Variants in PHACTR3 observed in about 807,000 individuals in gnomAD.
PHACTR3 encodes protein phosphatase 1, regulatory subunit 123.
Under a neutral mutation model 66.8 loss-of-function variants are expected in PHACTR3, and 16 were observed. The ratio of observed to expected loss-of-function variants is 0.24; its 90% CI spans 0.16 to 0.36. The LOEUF (loss-of-function observed/expected upper bound fraction) is 0.36, where lower values mean the gene tolerates loss of function less well. PHACTR3 is among the 10% of genes least tolerant of loss of function. The pLI is 1.00. For synonymous variants in PHACTR3, 323 were observed against 292.1 expected (o/e 1.11, Z -1.08); for missense variants, 647 against 719.9 (o/e 0.90, Z 1.16).
At chr20:59,661,564 G>A (rs1388224839) in intron 1 of PHACTR3, among the ~76,000 whole-genome samples, 2 of 152,124 alleles carry the variant, frequency 1.3e-5, no homozygotes, top group Non-Finnish European at 2.9e-5. Flanking sequence ...CCCCTTTTTA[G>A]GACTTGGTTC....
intron 1 of PHACTR3, among the ~76,000 whole-genome samples, chr20:59,669,107 A>C (rs1024105147): frequency 1.3e-5 from 2 of 152,054 alleles, no homozygotes; most frequent in Admixed American, 6.6e-5. Flanking sequence ...TGCCATTTGC[A>C]TGCTGTGTGA....
intron 1 of PHACTR3, among the ~76,000 whole-genome samples, chr20:59,621,150 A>G (rs866544766): frequency 1.3e-5 from 2 of 152,200 alleles, no homozygotes; most frequent in African/African-American, 4.8e-5. Context: ...GCCTCTGCTG[A>G]GGTGCTTGCT....
chr20:59,674,442 T>G (rs73303120), intron 1 of PHACTR3, among the ~76,000 whole-genome samples: 539 of 135,594 alleles, frequency 4.0e-3, no homozygotes, highest in African/African-American at 0.015. Flanking sequence ...CTTCTCCTGT[T>G]CCTTCCCCTT....
intron 1 of PHACTR3, among the ~76,000 whole-genome samples, chr20:59,710,427 A>G (rs1362340634): frequency 6.6e-6 from 1 of 152,130 alleles, no homozygotes; most frequent in African/African-American, 2.4e-5. Flanking sequence ...GGAGGCAGCA[A>G]TAAGGTCAAG....
chr20:59,716,905 C>A (rs906358426), intron 1 of PHACTR3, among the ~76,000 whole-genome samples: 1 of 152,292 alleles, frequency 6.6e-6, no homozygotes, highest in East Asian at 1.9e-4. Flanking sequence ...AGGCAAAAAA[C>A]GCAAGCGTGG....
intron 7 of PHACTR3, among the ~76,000 whole-genome samples, chr20:59,796,707 G>T (rs767306916): frequency 3.2e-4 from 49 of 152,168 alleles, no homozygotes; most frequent in Non-Finnish European, 5.0e-4. Flanking sequence ...CTGCTGAGAA[G>T]TTTGCTCATA....
rs181047159 is a variant in PHACTR3, at chr20:59,830,367, G to A, written c.1329-6138G>A. 2.2e-4 allele frequency among the ~76,000 whole-genome samples: 34 copies of A among 152,130 alleles called. No individual in the cohort carries two copies. The highest frequency in any genetic ancestry group is 9.2e-4 in the Admixed American group (14 of 15,292). ...GGAGGAGGGTGTGTCTGATGGAGAC[G>A]GTGTGAATGTCTGATGGAGAGAGCA... is the stretch of plus-strand genomic sequence containing the variant. On this transcript the variant is annotated intron_variant, in intron 8 of 12. Coordinates refer to ENST00000371015, the MANE Select transcript of PHACTR3 (RefSeq NM_080672.5). The surrounding 1 kb of genome is among the most constrained non-coding windows in gnomAD (Gnocchi z 5.8).
At chr20:59,650,387 G>A (rs925369809) in intron 1 of PHACTR3, among the ~76,000 whole-genome samples, 15 of 152,136 alleles carry the variant, frequency 9.9e-5, no homozygotes, top group African/African-American at 3.4e-4. Flanking sequence ...TCTCGTTGGG[G>A]GGAGGGCGTT....
chr20:59,674,219 G>C (rs1361000216), intron 1 of PHACTR3, among the ~76,000 whole-genome samples: 2 of 148,086 alleles, frequency 1.4e-5, no homozygotes, highest in African/African-American at 5.2e-5. Context: ...ACAGCCTGTG[G>C]CTGCTGCGTT....
chr20:59,777,889 C>G (rs966382624), intron 7 of PHACTR3, among the ~76,000 whole-genome samples: 3 of 152,114 alleles, frequency 2.0e-5, no homozygotes, highest in African/African-American at 7.2e-5. Context: ...TCCAGGGTGT[C>G]TCTGTGGACT....
chr20:59,744,517 A>T (rs1251561860), intron 2 of PHACTR3, among the ~76,000 whole-genome samples: 4 of 152,100 alleles, frequency 2.6e-5, no homozygotes, highest in Non-Finnish European at 4.4e-5. Flanking sequence ...CTGGGGTCCC[A>T]TTTCCTTTCC....
At chr20:59,728,004 T>C (rs1274982710) in intron 1 of PHACTR3, among the ~76,000 whole-genome samples, 2 of 152,228 alleles carry the variant, frequency 1.3e-5, no homozygotes, top group Admixed American at 1.3e-4. Context: ...ATTTTGTTTA[T>C]TTTGTTGTTA....
At chr20:59,832,517 T>C (rs1170324906) in intron 8 of PHACTR3, among the ~76,000 whole-genome samples, 3 of 152,210 alleles carry the variant, frequency 2.0e-5, no homozygotes, top group South Asian at 2.1e-4. Flanking sequence ...GGCAGGTCCG[T>C]ATCTCTTGGT....
intron 4 of PHACTR3, among the ~76,000 whole-genome samples, chr20:59,763,588 C>G (rs555952055): frequency 6.6e-6 from 1 of 152,318 alleles, no homozygotes; most frequent in African/African-American, 2.4e-5. Flanking sequence ...CCAGTGTGGC[C>G]AACTGGTAAC....
Position 59,820,851 on chromosome 20 carries a change from C to T in PHACTR3, c.1328+14657C>T, listed in dbSNP as rs1600715038. 6.6e-6 allele frequency among the ~76,000 whole-genome samples: 1 copy of T among 152,192 alleles called. No homozygotes were observed. The highest frequency in any genetic ancestry group is 1.9e-4 in the East Asian group (1 of 5,192). The stretch of plus-strand genomic sequence containing the variant: ...GCAGGTGGTTTGGTGGACTTGGAGG[C>T]TGCCTGGCTGAGAGCCATGGGCTGA... On this transcript the variant is annotated intron_variant, in intron 8 of 12. Coordinates refer to ENST00000371015, the MANE Select transcript of PHACTR3 (RefSeq NM_080672.5). The surrounding 1 kb of genome is among the most constrained non-coding windows in gnomAD (Gnocchi z 4.6).
At chr20:59,595,924 G>C (rs879316642) in intron 1 of PHACTR3, among the ~76,000 whole-genome samples, 2 of 152,038 alleles carry the variant, frequency 1.3e-5, no homozygotes, top group Non-Finnish European at 2.9e-5. Flanking sequence ...TTAATTGTAA[G>C]ATACCTGTTG....
chr20:59,654,509 G>T (rs1199705597), intron 1 of PHACTR3, among the ~76,000 whole-genome samples: 2 of 152,052 alleles, frequency 1.3e-5, no homozygotes, highest in African/African-American at 4.8e-5. Flanking sequence ...CCTCTCTAAA[G>T]GTAGGACAAC....
At chr20:59,757,409 G>T (rs2039838613) in intron 4 of PHACTR3, among the ~76,000 whole-genome samples, 1 of 152,248 alleles carries the variant, frequency 6.6e-6, no homozygotes, top group Non-Finnish European at 1.5e-5. Context: ...TCTCCTGAGT[G>T]AGGCCTGAGG....
intron 1 of PHACTR3, among the ~76,000 whole-genome samples, chr20:59,723,576 A>G (rs933264420): frequency 6.6e-6 from 1 of 152,036 alleles, no homozygotes; most frequent in Non-Finnish European, 1.5e-5. Flanking sequence ...TCACGTGCAC[A>G]TTTTTGTGTG....
Sources: allele counts gnomAD v4.1 joint callset (sites outside exome capture counted in the v4.1 genomes callset), GRCh38; gene constraint gnomAD v4.1.1; non-coding constraint Gnocchi (gnomAD v3.1); transcripts MANE v1.5; gene names NCBI Gene and HGNC (gene_info 2026-07-23, HGNC 2026-07-21).